QKI: variants seen among roughly 807,000 people sequenced by gnomAD.
QKI encodes the protein KH domain-containing RNA-binding protein QKI.
A neutral mutation model predicts 39.0 loss-of-function variants in QKI; 10 were observed. The ratio of observed to expected loss-of-function variants is 0.26; its 90% CI spans 0.16 to 0.43. The LOEUF (loss-of-function observed/expected upper bound fraction) is 0.43. QKI is among the 20% of genes least tolerant of loss of function. The pLI, the probability that QKI is intolerant of heterozygous loss-of-function variation, is 1.00. For synonymous variants in QKI, 204 were observed against 155.4 expected (o/e 1.31, Z -2.33); for missense variants, 218 against 428.0 (o/e 0.51, Z 4.33).
intron 3 of QKI, among the ~76,000 whole-genome samples, chr6:163,525,420 A>ACTG (rs1780440974): frequency 1.4e-5 from 2 of 144,686 alleles, no homozygotes; most frequent in African/African-American, 5.2e-5. Context: ...GTGCAGTGGC[A>ACTG]CAGTCTTGCC....
intron 4 of QKI, among the ~76,000 whole-genome samples, chr6:163,552,375 A>T (rs1368464543): frequency 6.6e-6 from 1 of 151,724 alleles, no homozygotes; most frequent in African/African-American, 2.4e-5. Context: ...CGCCTGGCTA[A>T]TTTTTTGTAT....
chr6:163,570,135 A>T, intron 7 of QKI: 4 of 986,014 alleles, frequency 4.1e-6, no homozygotes, highest in Middle Eastern at 5.2e-4. Flanking sequence ...ACATTTATTG[A>T]ACAAAAGAAA....
intron 3 of QKI, among the ~76,000 whole-genome samples, chr6:163,528,332 C>A (rs1048190332): frequency 1.3e-5 from 2 of 152,058 alleles, no homozygotes; most frequent in Admixed American, 6.6e-5. Flanking sequence ...TGTTCCGTTT[C>A]TGGTTTTTCA....
chr6:163,527,826 A>G (rs1409002734), intron 3 of QKI, among the ~76,000 whole-genome samples: 1 of 152,160 alleles, frequency 6.6e-6, no homozygotes, highest in Non-Finnish European at 1.5e-5. Context: ...AATTAGTCCT[A>G]GCTTAGTAAT....
chr6:163,479,007 C>A, intron 3 of QKI, 111 bp downstream of exon 3: 1 of 891,404 alleles, frequency 1.1e-6, no homozygotes, highest in Non-Finnish European at 1.7e-6. Flanking sequence ...TATTCCAGGC[C>A]GGGCGCGGTG....
At chr6:163,563,985 A>T in intron 6 of QKI, 1 of 1,301,366 alleles carries the variant, frequency 7.7e-7, no homozygotes, top group Non-Finnish European at 9.7e-7. Flanking sequence ...AAATACTTTT[A>T]CATTTGACAT....
intron 6 of QKI, chr6:163,564,468 T>C (rs1222906076): frequency 1.4e-6 from 2 of 1,413,968 alleles, no homozygotes; most frequent in African/African-American, 2.9e-5. Flanking sequence ...TTCTTGTGTT[T>C]TGGAGTCCTA....
At chr6:163,570,531 A>G (rs1783642666) in intron 7 of QKI, 163 bp from the exon 8 acceptor site, 1 of 980,562 alleles carries the variant, frequency 1.0e-6, no homozygotes, top group Non-Finnish European at 1.2e-6. Flanking sequence ...TGTATTCTGT[A>G]GATGGTGTCA....
intron 2 of QKI, among the ~76,000 whole-genome samples, chr6:163,476,661 A>G (rs573535705): frequency 6.6e-6 from 1 of 152,304 alleles, no homozygotes; most frequent in Admixed American, 6.5e-5. Context: ...TGTTCTGTGT[A>G]TTAGTTCCAC....
intron 1 of QKI, among the ~76,000 whole-genome samples, chr6:163,424,690 C>T (rs1788274086): frequency 6.6e-6 from 1 of 151,084 alleles, no homozygotes; most frequent in African/African-American, 2.4e-5. Flanking sequence ...GTTGCCAAAG[C>T]ACTGGATCTT....
At chr6:163,544,215 CATGA>C (rs1781724700) in intron 4 of QKI, among the ~76,000 whole-genome samples, 1 of 152,004 alleles carries the variant, frequency 6.6e-6, no homozygotes, top group Admixed American at 6.6e-5. Flanking sequence ...ATTGAATCCA[CATGA>C]ATGAAGTGAT....
At chr6:163,528,154 A>G (rs1780625077) in intron 3 of QKI, among the ~76,000 whole-genome samples, 2 of 152,180 alleles carry the variant, frequency 1.3e-5, no homozygotes, top group South Asian at 4.1e-4. Flanking sequence ...GGACAAATAT[A>G]GAAAGACAAA....
chr6:163,480,285 CT>C (rs1158000769), intron 3 of QKI, among the ~76,000 whole-genome samples: 1 of 151,798 alleles, frequency 6.6e-6, no homozygotes, highest in Non-Finnish European at 1.5e-5. Context: ...CTCTTTCTTC[CT>C]TCCTTCCTTC....
At chr6:163,458,250 A>G (rs774773018) in intron 2 of QKI, among the ~76,000 whole-genome samples, 1 of 152,204 alleles carries the variant, frequency 6.6e-6, no homozygotes, top group Non-Finnish European at 1.5e-5. Context: ...TAAGCAAATT[A>G]CTTTTCATTC....
chr6:163,418,211 G>A (rs899662256), intron 1 of QKI, among the ~76,000 whole-genome samples: 1 of 151,824 alleles, frequency 6.6e-6, no homozygotes, highest in African/African-American at 2.4e-5. Context: ...GCTTAGAGTA[G>A]ATGTATTTTC....
intron 7 of QKI, chr6:163,568,166 C>T: frequency 1.0e-6 from 1 of 985,046 alleles, no homozygotes; most frequent in Non-Finnish European, 1.2e-6. Context: ...TTTAAAGAAA[C>T]TGGACAATTC....
At chr6:163,433,847 T>C (rs938155691) in intron 1 of QKI, among the ~76,000 whole-genome samples, 2 of 152,228 alleles carry the variant, frequency 1.3e-5, no homozygotes, top group African/African-American at 4.8e-5. Context: ...TATTTTGTTA[T>C]GAACTTAAAA....
rs1783714194 is a variant in QKI at position 163,571,741 on chromosome 6, A to G, written c.*1031A>G. ...TTATAAAAAAAAAGAAAAAGAACAA[A>G]GAAACCCTTTATTTCATTAAATGAT... On this transcript the variant is annotated 3_prime_UTR_variant, in exon 8 of 8. Coordinates refer to ENST00000361752, the MANE Select transcript of QKI (RefSeq NM_006775.3). 6.6e-6 allele frequency: 1 copy of G among 152,074 alleles called. No homozygotes were observed. The highest frequency in any genetic ancestry group is 1.5e-5 in the Non-Finnish European group (1 of 68,020). The allele number at this position is 152,074 out of a possible 1,614,324, so 9.4% of individuals were successfully genotyped here. A position where few individuals can be genotyped will look rare whatever the true frequency, so the allele number is the denominator to read the frequency against.
chr6:163,550,052 G>GCT (rs1782129303), intron 4 of QKI, among the ~76,000 whole-genome samples: 4 of 152,202 alleles, frequency 2.6e-5, no homozygotes, highest in Non-Finnish European at 4.4e-5. Context: ...GAAATTAGGA[G>GCT]AGTTTCAAAC....
Sources: allele counts gnomAD v4.1 joint callset (sites outside exome capture counted in the v4.1 genomes callset), GRCh38; gene constraint gnomAD v4.1.1; transcripts MANE v1.5; gene names NCBI Gene and HGNC (gene_info 2026-07-23, HGNC 2026-07-21).